Variants in PLAG1 observed in about 807,000 individuals in gnomAD.
PLAG1 encodes the protein PLAG1 zinc finger.
PLAG1 carries 7 observed loss-of-function variants against 35.5 expected under a neutral mutation model. The ratio of observed to expected loss-of-function variants is 0.20; its 90% CI spans 0.11 to 0.37. The LOEUF (loss-of-function observed/expected upper bound fraction) is 0.37. Ranked by LOEUF, PLAG1 falls within the 10% of genes least tolerant of loss-of-function variation. The probability of loss-of-function intolerance (pLI) is 1.00; values close to 1 mark genes in which losing one functional copy is unlikely to be tolerated. For synonymous variants in PLAG1, 229 were observed against 225.4 expected (o/e 1.02, Z -0.14); for missense variants, 454 against 602.8 (o/e 0.75, Z 2.58).
chr8:56,166,867 A>G lies in PLAG1; in HGVS notation c.879T>C (p.Thr293=). 3 of 1,613,996 alleles carry G rather than the reference A, an allele frequency of 1.9e-6. No individual in the cohort carries two copies. The highest frequency in any genetic ancestry group is 1.7e-6 in the Non-Finnish European group (2 of 1,179,974). Residue 293 remains threonine, a synonymous_variant, in exon 5 of 5, where the codon ACT becomes ACC. Coordinates refer to ENST00000316981, the MANE Select transcript of PLAG1 (RefSeq NM_002655.3). ...CCGAGCTCTGCATGGACTGAAATGG[A>G]GTGTTGTAGAGGTTTAACTGCAAAG... ...TNTLQLNLYN[T]PFQSMQSSGS...
intron 1 of PLAG1, 41 bp from the exon 2 acceptor site, chr8:56,179,554 A>G: frequency 2.2e-6 from 1 of 450,698 alleles, no homozygotes; most frequent in Non-Finnish European, 2.9e-6. Context: ...TCCAAAAGTC[A>G]GGCCAATCTG....
intron 1 of PLAG1, among the ~76,000 whole-genome samples, chr8:56,190,449 C>T (rs1426038408): frequency 6.6e-6 from 1 of 152,170 alleles, no homozygotes; most frequent in Non-Finnish European, 1.5e-5. Flanking sequence ...CTAAACCCTA[C>T]TTCCTCCTGG....
At chr8:56,180,685 G>A (rs1811839357) in intron 1 of PLAG1, among the ~76,000 whole-genome samples, 1 of 152,148 alleles carries the variant, frequency 6.6e-6, no homozygotes, top group Non-Finnish European at 1.5e-5. Context: ...TTCTGCATAT[G>A]GCTAGACAGT....
At chr8:56,181,999 AGAT>A (rs774788618) in intron 1 of PLAG1, among the ~76,000 whole-genome samples, 3 of 152,244 alleles carry the variant, frequency 2.0e-5, no homozygotes, top group Non-Finnish European at 4.4e-5. Context: ...TTAGAACCAC[AGAT>A]GATTAGATTC....
At chr8:56,182,536 A>G (rs1811900385) in intron 1 of PLAG1, among the ~76,000 whole-genome samples, 1 of 145,366 alleles carries the variant, frequency 6.9e-6, no homozygotes, top group South Asian at 2.4e-4. Flanking sequence ...GAACTGGCCC[A>G]TAGGTTCACC....
At chr8:56,208,725 CA>C (rs1376270070) in intron 1 of PLAG1, among the ~76,000 whole-genome samples, 5 of 152,056 alleles carry the variant, frequency 3.3e-5, no homozygotes, top group African/African-American at 9.7e-5. Context: ...CCTTAATCCC[CA>C]TTATAGTACA....
intron 1 of PLAG1, among the ~76,000 whole-genome samples, chr8:56,184,804 C>T (rs979106731): frequency 1.3e-5 from 2 of 152,116 alleles, no homozygotes; most frequent in African/African-American, 4.8e-5. Context: ...GTAATCTCAG[C>T]TACTCCAGAG....
intron 1 of PLAG1, among the ~76,000 whole-genome samples, chr8:56,185,536 TA>T (rs553886210): frequency 1.3e-3 from 204 of 152,210 alleles, no homozygotes; most frequent in Non-Finnish European, 2.6e-3. Flanking sequence ...TCAAAATGAC[TA>T]AAATCTCTCC....
rs183635863 is a variant in PLAG1, at chr8:56,188,097, C to T, written c.-321-8584G>A. The stretch of plus-strand genomic sequence containing the variant: ...TAGCTACATGTCAGAAAAAAATCTA[C>T]TCGACTGAAGCACATAGGAGCCAAG... On this transcript the variant is annotated intron_variant, in intron 1 of 4. Coordinates refer to ENST00000316981, the MANE Select transcript of PLAG1 (RefSeq NM_002655.3). Among the ~76,000 whole-genome samples, 15 of 152,288 alleles carry T rather than the reference C, an allele frequency of 9.8e-5. No homozygotes were observed. In the East Asian group the frequency reaches 2.9e-3, roughly 29 times the overall value.
chr8:56,198,715 G>C (rs1439846728), intron 1 of PLAG1, among the ~76,000 whole-genome samples: 1 of 152,110 alleles, frequency 6.6e-6, no homozygotes, highest in East Asian at 1.9e-4. Flanking sequence ...TCTATACAAA[G>C]GGCCTTTTAT....
At chr8:56,186,975 C>T (rs1378205370) in intron 1 of PLAG1, among the ~76,000 whole-genome samples, 1 of 152,192 alleles carries the variant, frequency 6.6e-6, no homozygotes, top group African/African-American at 2.4e-5. Flanking sequence ...CTCAGCCTCC[C>T]AAAGTGTTGG....
chr8:56,193,375 A>G (rs1372198297), intron 1 of PLAG1, among the ~76,000 whole-genome samples: 1 of 152,180 alleles, frequency 6.6e-6, no homozygotes, highest in Non-Finnish European at 1.5e-5. Context: ...TTTTTTGAAA[A>G]CACCTAAAGG....
chr8:56,200,413 C>T (rs1475304457), intron 1 of PLAG1, among the ~76,000 whole-genome samples: 1 of 152,236 alleles, frequency 6.6e-6, no homozygotes, highest in Non-Finnish European at 1.5e-5. Flanking sequence ...CCGGAGACCT[C>T]TGCGTGCAGC....
chr8:56,179,450 T>C lies in PLAG1; in HGVS notation c.-258A>G, dbSNP rs1811802476. Reference sequence around the variant, plus strand: ...AACTCTAGCAAGGCAACCTTATTAATAGACCGTCACAGAATGAAGCATTCT... The same window carrying C: ...AACTCTAGCAAGGCAACCTTATTAACAGACCGTCACAGAATGAAGCATTCT... On this transcript the variant is annotated 5_prime_UTR_variant, in exon 2 of 5. Coordinates refer to ENST00000316981, the MANE Select transcript of PLAG1 (RefSeq NM_002655.3). 1.2e-5 allele frequency: 12 copies of C among 977,134 alleles called. No individual in the cohort carries two copies. Among genetic ancestry groups the C allele is most frequent in the African/African-American group, 3.5e-5 (2 of 57,008 alleles). 60.5% of individuals were successfully genotyped at this position (977,134 alleles called of 1,614,324 possible).
intron 1 of PLAG1, among the ~76,000 whole-genome samples, chr8:56,191,242 GC>G (rs1812173628): frequency 2.0e-5 from 3 of 152,166 alleles, no homozygotes; most frequent in Non-Finnish European, 4.4e-5. Flanking sequence ...CAGTGGAGAA[GC>G]AGAACATTCT....
chr8:56,202,445 A>G (rs1477789901), intron 1 of PLAG1, among the ~76,000 whole-genome samples: 2 of 152,258 alleles, frequency 1.3e-5, no homozygotes, highest in Non-Finnish European at 2.9e-5. Flanking sequence ...GGAAGGGCCA[A>G]TGGAAGCACA....
In PLAG1 at chr8:56,166,653, C is replaced by G; in HGVS notation, c.1093G>C (p.Gly365Arg). 4 of 1,614,102 alleles carry G rather than the reference C, an allele frequency of 2.5e-6. No homozygotes were observed. Among genetic ancestry groups the G allele is most frequent in the Non-Finnish European group, 3.4e-6 (4 of 1,180,008 alleles). Residue 365 changes from glycine to arginine, a missense_variant, in exon 5 of 5, where the codon GGT becomes CGT. By Grantham distance (125) the Gly-to-Arg change is moderately radical. Coordinates refer to ENST00000316981, the MANE Select transcript of PLAG1 (RefSeq NM_002655.3). ...EIESYLMELQ[G>R]GVPSSSQDSQ... Reference sequence around the variant, plus strand: ...TCTTGGGATGAAGAGGGCACGCCACCTTGTAACTCCATCAGGTAACTCTCA... The same window carrying G: ...TCTTGGGATGAAGAGGGCACGCCACGTTGTAACTCCATCAGGTAACTCTCA...
intron 1 of PLAG1, among the ~76,000 whole-genome samples, chr8:56,205,962 A>T (rs1318887283): frequency 6.6e-6 from 1 of 152,048 alleles, no homozygotes; most frequent in African/African-American, 2.4e-5. Flanking sequence ...TCTGTTTATA[A>T]GACATCCAGG....
chr8:56,204,605 T>TA (rs1022456896), intron 1 of PLAG1, among the ~76,000 whole-genome samples: 1 of 151,952 alleles, frequency 6.6e-6, no homozygotes, highest in Non-Finnish European at 1.5e-5. Flanking sequence ...CTCTAATGTC[T>TA]AACCACTGGT....
Sources: allele counts gnomAD v4.1 joint callset (sites outside exome capture counted in the v4.1 genomes callset), GRCh38; gene constraint gnomAD v4.1.1; transcripts MANE v1.5; gene names NCBI Gene and HGNC (gene_info 2026-07-23, HGNC 2026-07-21).